The following RNF213 variants were observed in gnomAD, a reference collection of about 807,000 sequenced individuals.
RNF213 encodes the protein E3 ubiquitin-protein ligase RNF213.
RNF213 carries 341 observed loss-of-function variants against 514.4 expected under a neutral mutation model. The ratio of observed to expected loss-of-function variants is 0.66; its 90% confidence interval spans 0.61 to 0.73. The LOEUF (loss-of-function observed/expected upper bound fraction) is 0.73, where lower values mean the gene tolerates loss of function less well. RNF213 is among the 30% of genes least tolerant of loss of function. RNF213 has a pLI of 0.00. For synonymous variants in RNF213, 2,655 were observed against 2,658.2 expected, an observed-to-expected ratio of 1.00 and a Z score of 0.04; for missense variants, 5,767 against 6,615.6, an observed-to-expected ratio of 0.87 and a Z score of 4.45.
At chr17:80,351,405 T>C (rs1446568345) in intron 31 of RNF213, among the ~76,000 whole-genome samples, 1 of 152,236 alleles carries the variant, frequency 6.6e-6, no homozygotes, top group Non-Finnish European at 1.5e-5. Context: ...AGATAGGGTT[T>C]CTGGTCAACG....
intron 9 of RNF213, 132 bp downstream of exon 9, chr17:80,295,135 C>T (rs545152182): frequency 2.8e-4 from 288 of 1,036,580 alleles, no homozygotes; most frequent in Middle Eastern, 1.5e-3. Flanking sequence ...AGCCTTTTCT[C>T]CTACCACTGT....
At chr17:80,374,274 A>G (rs1275429322) in intron 49 of RNF213, among the ~76,000 whole-genome samples, 184 bp from the exon 50 acceptor site, 2 of 152,200 alleles carry the variant, frequency 1.3e-5, no homozygotes, top group African/African-American at 2.4e-5. Flanking sequence ...CTCTTCGTCT[A>G]CTGAGGAGGA....
At chr17:80,275,723 G>A (rs1206144221) in intron 3 of RNF213, among the ~76,000 whole-genome samples, 5 of 151,788 alleles carry the variant, frequency 3.3e-5, no homozygotes, top group Admixed American at 6.6e-5. Context: ...GTGCAGTGGC[G>A]CCATCTCAGC....
chr17:80,386,431 G>A lies in RNF213; in HGVS notation c.14720+1G>A, dbSNP rs768657248. The A allele has an allele frequency of 1.2e-6, 2 of 1,614,058 alleles. No homozygotes were observed. Among genetic ancestry groups the A allele is most frequent in the East Asian group, 2.2e-5 (1 of 44,884 alleles). ...AAAAACTCTCCAAGGAAAACAACAG[G>A]TTTGTGCACGAGCCACCAGGAAGTG... On this transcript the variant is annotated splice_donor_variant, in intron 62 of 67. Transcript: ENST00000582970. LOFTEE classifies it high-confidence loss of function.
chr17:80,304,993 T>A (rs1041753807), intron 11 of RNF213, among the ~76,000 whole-genome samples: 6 of 152,226 alleles, frequency 3.9e-5, no homozygotes, highest in Non-Finnish European at 7.3e-5. Flanking sequence ...TTTATTTCAC[T>A]GAGCATAATG....
At chr17:80,315,133 A>AGGTGATGGTGGT (rs2045820744) in intron 15 of RNF213, among the ~76,000 whole-genome samples, 1 of 9,022 alleles carries the variant, frequency 1.1e-4, no homozygotes. Flanking sequence ...GAGGTACTGG[A>AGGTGATGGTGGT]GGTGATGGTG....
chr17:80,300,014 C>T (rs527997824), intron 11 of RNF213, among the ~76,000 whole-genome samples: 1 of 152,266 alleles, frequency 6.6e-6, no homozygotes, highest in South Asian at 2.1e-4. Context: ...AATTGTGCTT[C>T]AATGAACATA....
Position 80,317,041 on chromosome 17 carries a change from C to G in RNF213, c.2812-147C>G, listed in dbSNP as rs2045970610. 2.2e-6 allele frequency: 2 copies of G among 898,992 alleles called. No homozygotes were observed. The allele number at this position is 898,992 out of a possible 1,614,324, so 55.7% of individuals were successfully genotyped here. A position where few individuals can be genotyped will look rare whatever the true frequency, so the allele number is the denominator to read the frequency against. On this transcript the variant is annotated intron_variant, in intron 15 of 67. Transcript: ENST00000582970. The surrounding 1 kb of genome is among the most constrained non-coding windows in gnomAD (Gnocchi z 4.1). ...TGTGACCGGCCACTAGCATGGCTGA[C>G]TGTTGATGAAGGTTGGGGAGAGCCC...
intron 11 of RNF213, among the ~76,000 whole-genome samples, chr17:80,301,266 A>G (rs1350873613): frequency 6.6e-6 from 1 of 152,174 alleles, no homozygotes; most frequent in Non-Finnish European, 1.5e-5. Context: ...GATTGGAGAA[A>G]AATTATGGAG....
chr17:80,298,675 C>T (rs958916810), intron 11 of RNF213, 157 bp downstream of exon 11: 33 of 816,392 alleles, frequency 4.0e-5, no homozygotes, highest in Non-Finnish European at 6.0e-5. Flanking sequence ...TCAAAACTGT[C>T]AAGAATAGGC....
chr17:80,284,723 G>T (rs2044412727), intron 3 of RNF213, among the ~76,000 whole-genome samples: 2 of 151,024 alleles, frequency 1.3e-5, no homozygotes, highest in African/African-American at 4.9e-5. Context: ...CTCCCCCACT[G>T]AGCCTCTCAT....
At chr17:80,359,439 G>C (rs1314672313) in intron 37 of RNF213, among the ~76,000 whole-genome samples, 1 of 146,870 alleles carries the variant, frequency 6.8e-6, no homozygotes, top group African/African-American at 2.5e-5. Context: ...CGGGAGGATT[G>C]CTTGAGCCCA....
rs1052579221 is a variant in RNF213 at position 80,288,934 on chromosome 17, G to A, written c.933+179G>A. Reference sequence around the variant, plus strand: ...AGAGAGAGTCAGGAAACCGACTTCAGCGGTGAGAAGAGCGTGGAGGGAGGG... The same window carrying A: ...AGAGAGAGTCAGGAAACCGACTTCAACGGTGAGAAGAGCGTGGAGGGAGGG... On this transcript the variant is annotated intron_variant, in intron 5 of 67. Transcript: ENST00000582970. The surrounding 1 kb of genome is among the most constrained non-coding windows in gnomAD (Gnocchi z 4.9). Among the ~76,000 whole-genome samples the A allele has an allele frequency of 6.6e-6, 1 of 152,234 alleles. No homozygotes were observed. Among genetic ancestry groups the A allele is most frequent in the African/African-American group, 2.4e-5 (1 of 41,444 alleles).
intron 65 of RNF213, 54 bp from the exon 66 acceptor site, chr17:80,389,774 T>C: frequency 1.4e-6 from 2 of 1,465,196 alleles, no homozygotes. Context: ...GTGCACGACA[T>C]GAGTGGGGGT....
chr17:80,348,152 T>C lies in RNF213; in HGVS notation c.9817T>C (p.Tyr3273His). Reference sequence around the variant, plus strand: ...CGATGCCGTGGTCCGGCTGAGCGCCTACTCGCTGGGCGGGTTCGCAGCGGA... The same window carrying C: ...CGATGCCGTGGTCCGGCTGAGCGCCCACTCGCTGGGCGGGTTCGCAGCGGA... ...TPDAVVRLSAYSLGGFAAEWL... is the reference protein window; with the variant it reads ...TPDAVVRLSAHSLGGFAAEWL... The change falls in exon 29 of 68, where the codon TAC (tyrosine) becomes CAC (histidine). Residue 3273 changes from tyrosine (Y) to histidine (H), a missense_variant. Physicochemically the swap from Tyr to His is moderately conservative, Grantham distance 83. Transcript: ENST00000582970. 6.2e-7 allele frequency: 1 copy of C among 1,614,096 alleles called. No individual in the cohort carries two copies. The highest frequency in any genetic ancestry group is 2.2e-5 in the East Asian group (1 of 44,888).
At chr17:80,306,505 G>A in intron 12 of RNF213, 37 bp downstream of exon 12, 1 of 1,578,944 alleles carries the variant, frequency 6.3e-7, no homozygotes, top group Non-Finnish European at 8.7e-7. Flanking sequence ...TCCTGGCTTA[G>A]CAAAAGCAGA....
chr17:80,350,490 T>C lies in RNF213; in HGVS notation c.10184+94T>C, dbSNP rs2078469179. On this transcript the variant is annotated intron_variant, in intron 31 of 67. Transcript: ENST00000582970. The stretch of plus-strand genomic sequence containing the variant: ...TTTCCTTGAAGACAGTATAGTATCA[T>C]AATCAGTATAGAAATAAAAATAACA... 6 of 756,836 alleles carry C rather than the reference T, an allele frequency of 7.9e-6. No homozygotes were observed. The South Asian group carries it at 8.8e-5, about 11-fold the overall frequency. 46.9% of individuals were successfully genotyped at this position (756,836 alleles called of 1,614,324 possible). A position where few individuals can be genotyped will look rare whatever the true frequency, so the allele number is the denominator to read the frequency against.
rs748612639 is a variant in RNF213, at chr17:80,294,887, A to G, written c.1639A>G (p.Ile547Val). The G allele has an allele frequency of 4.1e-5, 66 of 1,614,126 alleles. No individual in the cohort carries two copies. Among genetic ancestry groups the G allele is most frequent in the Non-Finnish European group, 5.3e-5 (62 of 1,180,054 alleles). The change falls in exon 9 of 68, where the codon ATC becomes GTC. Residue 547 changes from isoleucine to valine, a missense_variant. Ile to Val is a conservative substitution (Grantham distance 29, BLOSUM62 3). This residue lies in a region of RNF213 where 592 missense variants were observed against 673.9 expected (regional missense o/e 0.88). Coordinates refer to ENST00000582970, the MANE Select transcript of RNF213 (RefSeq NM_001256071.3). Reference protein sequence around the residue: ...TFSILQTWDTINLNSFFTQFE... With the variant: ...TFSILQTWDTVNLNSFFTQFE... Reference sequence around the variant, plus strand: ...CAGCATCCTGCAGACCTGGGACACCATCAACCTGAACAGCTTCTTCACCCA... The same window carrying G: ...CAGCATCCTGCAGACCTGGGACACCGTCAACCTGAACAGCTTCTTCACCCA...
Position 80,339,250 on chromosome 17 carries a change from C to T in RNF213, c.4883C>T (p.Ser1628Phe). ...AGCCAGGCCTTCATCGACCTGCACT[C>T]TGCTGGGAATATGCTGTTCAGGACG... ...RLSQAFIDLH[S>F]AGNMLFRTWI... is the part of the protein sequence containing the mutation. Residue 1628 changes from serine (S) to phenylalanine (F), a missense_variant, in exon 26 of 68, where the codon TCT becomes TTT. By Grantham distance (155) the Ser-to-Phe change is radical. Transcript: ENST00000582970. 6.6e-7 allele frequency: 1 copy of T among 1,520,054 alleles called. No individual in the cohort carries two copies. The highest frequency in any genetic ancestry group is 8.8e-7 in the Non-Finnish European group (1 of 1,136,338). 94.2% of individuals were successfully genotyped at this position (1,520,054 alleles called of 1,614,324 possible).
Sources: gnomAD v4.1 joint callset for allele counts (sites outside exome capture counted in the v4.1 genomes callset) on GRCh38, gnomAD v4.1.1 for gene constraint, gnomAD v4.1.1 regional missense constraint, Gnocchi (gnomAD v3.1) non-coding constraint, MANE v1.5 for transcripts, NCBI Gene and HGNC (gene_info 2026-07-23, HGNC 2026-07-21) for gene names.